TCF12: variants seen among roughly 807,000 people sequenced by gnomAD.
TCF12 encodes the protein DNA-binding protein HTF4.
In TCF12, 45 loss-of-function variants were observed where a neutral mutation model predicts 86.0. The ratio of observed to expected loss-of-function variants is 0.52; its 90% CI spans 0.41 to 0.67. The LOEUF (loss-of-function observed/expected upper bound fraction) is 0.67. TCF12 is among the 30% of genes least tolerant of loss of function. The probability of loss-of-function intolerance (pLI) is 0.00; values close to 1 mark genes in which losing one functional copy is unlikely to be tolerated. For synonymous variants in TCF12, 330 were observed against 299.6 expected, an observed-to-expected ratio of 1.10 and a Z score of -1.05; for missense variants, 881 against 859.9, an observed-to-expected ratio of 1.02 and a Z score of -0.31.
In TCF12 at chr15:56,921,183, A is replaced by G. The variant is rs2059775542; in HGVS notation, c.148+85A>G. 10 of 923,822 alleles carry G rather than the reference A, an allele frequency of 1.1e-5. No homozygotes were observed. The South Asian group carries it at 1.6e-4, about 15-fold the overall frequency. The allele number at this position is 923,822 out of a possible 1,614,324, so 57.2% of individuals were successfully genotyped here. A position where few individuals can be genotyped will look rare whatever the true frequency, so the allele number is the denominator to read the frequency against. On this transcript the variant is annotated intron_variant, in intron 3 of 20. Coordinates refer to ENST00000333725, the MANE Select transcript of TCF12 (RefSeq NM_207037.2). The stretch of plus-strand genomic sequence containing the variant: ...AAAATAGAAAGCATAACATTTAAAT[A>G]TTATTGAATATATGTATATAAAAGA...
chr15:56,920,881 C>T (rs2059761173), intron 2 of TCF12, 145 bp from the exon 3 acceptor site: 5 of 540,620 alleles, frequency 9.2e-6, no homozygotes, highest in African/African-American at 1.9e-5. Flanking sequence ...AGTGTATTTG[C>T]CTCTCTGGAT....
At chr15:57,107,493 A>G (rs1357785076) in intron 5 of TCF12, among the ~76,000 whole-genome samples, 1 of 152,204 alleles carries the variant, frequency 6.6e-6, no homozygotes, top group Non-Finnish European at 1.5e-5. Flanking sequence ...TTAGTGGTAG[A>G]TATATGTCAT....
In TCF12 at chr15:57,028,719, A is replaced by G. The variant is rs551402705; in HGVS notation, c.149-35031A>G. On this transcript the variant is annotated intron_variant, in intron 3 of 20. Coordinates refer to ENST00000333725, the MANE Select transcript of TCF12 (RefSeq NM_207037.2). The stretch of plus-strand genomic sequence containing the variant: ...AAGCTTTCATTGTCTTGTCTAAAAA[A>G]CATCTTTGCTTACTGCAAAATTGTG... Among the ~76,000 whole-genome samples the G allele has an allele frequency of 3.3e-5, 5 of 152,316 alleles. No homozygotes were observed. The South Asian group carries it at 1.0e-3, about 32-fold the overall frequency.
At chr15:56,928,169 A>C (rs2060097156) in intron 3 of TCF12, among the ~76,000 whole-genome samples, 1 of 152,208 alleles carries the variant, frequency 6.6e-6, no homozygotes, top group Non-Finnish European at 1.5e-5. Context: ...ATATTTAAAT[A>C]ATCAGAGCTA....
chr15:57,120,309 T>A (rs1396751151), intron 5 of TCF12, among the ~76,000 whole-genome samples: 1 of 152,224 alleles, frequency 6.6e-6, no homozygotes, highest in Non-Finnish European at 1.5e-5. Flanking sequence ...CCTGTATATG[T>A]TATGCTGAAA....
At chr15:57,136,958 G>GGTT in intron 5 of TCF12, among the ~76,000 whole-genome samples, 1 of 83,044 alleles carries the variant, frequency 1.2e-5, no homozygotes, top group East Asian at 3.9e-4. Context: ...GCTTCTGGCA[G>GGTT]TTTTTTTTTT....
At chr15:56,938,070 A>T (rs1389714009) in intron 3 of TCF12, among the ~76,000 whole-genome samples, 2 of 25,654 alleles carry the variant, frequency 7.8e-5, no homozygotes, top group African/African-American at 1.9e-4. Flanking sequence ...TGAGACAGAT[A>T]GCTAGTATTT....
intron 3 of TCF12, among the ~76,000 whole-genome samples, chr15:56,968,959 G>A (rs1308891962): frequency 2.0e-5 from 3 of 152,142 alleles, no homozygotes; most frequent in Non-Finnish European, 4.4e-5. Context: ...TTGAGTCCTT[G>A]GTTAGCCTTC....
intron 5 of TCF12, among the ~76,000 whole-genome samples, chr15:57,095,130 G>A (rs1480692568): frequency 6.6e-6 from 1 of 152,146 alleles, no homozygotes; most frequent in Non-Finnish European, 1.5e-5. Context: ...TATGTTTCGA[G>A]TGAAATAAGT....
At chr15:56,992,928 A>G (rs1383025685) in intron 3 of TCF12, among the ~76,000 whole-genome samples, 5 of 152,196 alleles carry the variant, frequency 3.3e-5, no homozygotes, top group African/African-American at 1.2e-4. Context: ...TTTTCCAAGT[A>G]TGATGGATTA....
intron 5 of TCF12, among the ~76,000 whole-genome samples, chr15:57,144,445 C>T (rs549874794): frequency 6.3e-4 from 96 of 152,278 alleles, no homozygotes; most frequent in African/African-American, 2.2e-3. Context: ...AATGTAAATG[C>T]TTTTAATGTA....
At chr15:57,252,915 G>A (rs1597656228) in intron 15 of TCF12, among the ~76,000 whole-genome samples, 2 of 138,944 alleles carry the variant, frequency 1.4e-5, no homozygotes, top group Non-Finnish European at 3.0e-5. Flanking sequence ...CAGTATTAAA[G>A]TATAGGTTGT....
chr15:57,019,256 G>C (rs777590938), intron 3 of TCF12, among the ~76,000 whole-genome samples: 6 of 152,168 alleles, frequency 3.9e-5, no homozygotes, highest in Non-Finnish European at 8.8e-5. Context: ...GTTTTGAACA[G>C]ATTAGTATTA....
intron 5 of TCF12, among the ~76,000 whole-genome samples, chr15:57,140,704 T>C (rs1489731479): frequency 6.6e-6 from 1 of 152,216 alleles, no homozygotes; most frequent in Non-Finnish European, 1.5e-5. Context: ...TAAATTCAAA[T>C]TCTATGAGAT....
chr15:57,025,081 CT>C (rs34260943), intron 3 of TCF12, among the ~76,000 whole-genome samples: 53 of 147,886 alleles, frequency 3.6e-4, no homozygotes, highest in African/African-American at 3.7e-4. Context: ...TCCCCGCTAC[CT>C]TTTTTTTTTT....
chr15:57,006,000 T>C (rs1475947256), intron 3 of TCF12, among the ~76,000 whole-genome samples: 1 of 152,244 alleles, frequency 6.6e-6, no homozygotes, highest in Non-Finnish European at 1.5e-5. Flanking sequence ...CTGTATTTTA[T>C]TGGATATATT....
At chr15:57,058,599 GT>G in intron 3 of TCF12, among the ~76,000 whole-genome samples, 1 of 152,026 alleles carries the variant, frequency 6.6e-6, no homozygotes, top group Non-Finnish European at 1.5e-5. Context: ...TTTTTAGACT[GT>G]TTTATTTGAC....
intron 8 of TCF12, among the ~76,000 whole-genome samples, chr15:57,200,020 T>A (rs565513349): frequency 1.5e-4 from 22 of 149,990 alleles, no homozygotes; most frequent in Admixed American, 1.1e-3. Context: ...TAGCTGGGAC[T>A]ACAGGGACAG....
chr15:56,925,237 A>G (rs1304151903), intron 3 of TCF12, among the ~76,000 whole-genome samples: 2 of 105,210 alleles, frequency 1.9e-5, no homozygotes, highest in African/African-American at 2.9e-5. Flanking sequence ...AATGGTGTCC[A>G]CCGCCCCCCC....
Sources: allele counts gnomAD v4.1 joint callset (sites outside exome capture counted in the v4.1 genomes callset), GRCh38; gene constraint gnomAD v4.1.1; transcripts MANE v1.5; gene names NCBI Gene and HGNC (gene_info 2026-07-23, HGNC 2026-07-21).